Variants in CNTNAP3B observed in about 807,000 individuals in gnomAD.
CNTNAP3B encodes contactin associated protein family member 3B, also known as contactin-associated protein-like 3B.
In CNTNAP3B, 25 loss-of-function variants were observed where a neutral mutation model predicts 108.9. That is an observed-to-expected ratio of 0.23 (90% CI 0.17 to 0.32). The LOEUF is 0.32. Ranked by LOEUF, CNTNAP3B falls within the 10% of genes least tolerant of loss-of-function variation. The pLI is 1.00. For missense variants in CNTNAP3B, 252 were observed against 1,210.4 expected, an observed-to-expected ratio of 0.21 and a Z score of 11.75; for synonymous variants, 103 against 473.4, an observed-to-expected ratio of 0.22 and a Z score of 10.16.
chr9:42,034,180 A>G (rs1280319030), intron 3 of CNTNAP3B, among the ~76,000 whole-genome samples: 1 of 124,578 alleles, frequency 8.0e-6, no homozygotes, highest in Non-Finnish European at 1.7e-5. Flanking sequence ...GTATGTATGT[A>G]TATATGTATC....
chr9:42,119,160 T>C (rs1828397709), intron 1 of CNTNAP3B, among the ~76,000 whole-genome samples: 1 of 92,976 alleles, frequency 1.1e-5, no homozygotes, highest in African/African-American at 4.6e-5. Flanking sequence ...TGTGCAAAAA[T>C]CACAAGCATT....
intron 14 of CNTNAP3B, among the ~76,000 whole-genome samples, chr9:41,935,951 C>A (rs1486488044): frequency 2.0e-5 from 3 of 152,282 alleles, no homozygotes; most frequent in African/African-American, 7.2e-5. Flanking sequence ...AAACTCAGTT[C>A]ATGGGAGGGT....
In CNTNAP3B at chr9:42,129,404, G is replaced by A. The variant is rs1828643801; in HGVS notation, c.-310C>T. ...CGCGTCCCGGACACTAGGCGCGGGAGGCGGCCGGCACCAACGCGAGTCAAG... is the reference window on the plus strand; with the variant it reads ...CGCGTCCCGGACACTAGGCGCGGGAAGCGGCCGGCACCAACGCGAGTCAAG... On this transcript the variant is annotated 5_prime_UTR_variant, in exon 1 of 24. Coordinates refer to ENST00000377561, the MANE Select transcript of CNTNAP3B (RefSeq NM_001201380.3). 1.9e-5 allele frequency: 6 copies of A among 314,158 alleles called. No individual in the cohort carries two copies. The highest frequency in any genetic ancestry group is 7.9e-4 in the Middle Eastern group (1 of 1,262). The allele number at this position is 314,158 out of a possible 1,614,324, so 19.5% of individuals were successfully genotyped here. A position where few individuals can be genotyped will look rare whatever the true frequency, so the allele number is the denominator to read the frequency against.
At chr9:41,979,879 A>ACG in intron 9 of CNTNAP3B, 1 of 125,544 alleles carries the variant, frequency 8.0e-6, no homozygotes, top group African/African-American at 3.8e-5. Context: ...GTGGGCCACC[A>ACG]CCTAAGATAT....
intron 1 of CNTNAP3B, among the ~76,000 whole-genome samples, chr9:42,113,687 G>C (rs533288255): frequency 2.2e-5 from 3 of 139,366 alleles, no homozygotes; most frequent in Non-Finnish European, 4.6e-5. Context: ...ATCTTTCCAC[G>C]GGTACAAAAA....
chr9:41,941,390 AAGC>A (rs1824337976), intron 13 of CNTNAP3B, among the ~76,000 whole-genome samples: 1 of 148,348 alleles, frequency 6.7e-6, no homozygotes, highest in Admixed American at 6.7e-5. Flanking sequence ...ATTTGAAAGA[AAGC>A]AGAATGGCTA....
chr9:41,945,472 T>C lies in CNTNAP3B; in HGVS notation c.2081-7072A>G, dbSNP rs1297778109. Among the ~76,000 whole-genome samples the C allele has an allele frequency of 2.6e-5, 4 of 152,308 alleles. No homozygotes were observed. In the East Asian group the frequency reaches 5.8e-4, roughly 22 times the overall value. On this transcript the variant is annotated intron_variant, in intron 13 of 23. Coordinates refer to ENST00000377561, the MANE Select transcript of CNTNAP3B (RefSeq NM_001201380.3). The stretch of plus-strand genomic sequence containing the variant: ...TGAGTTCATGTCCTTTGTAGGGCCA[T>C]GGATGAAGCTGGAAACCATCATTCT...
In CNTNAP3B at chr9:42,076,772, T is replaced by C; in HGVS notation, c.390+97A>G. 6 of 775,020 alleles carry C rather than the reference T, an allele frequency of 7.7e-6. 1 individual carries two copies. The highest frequency in any genetic ancestry group is 9.9e-6 in the Non-Finnish European group (5 of 502,630). The allele number at this position is 775,020 out of a possible 1,614,324, so 48.0% of individuals were successfully genotyped here. ...GCTTTCAATGAAATAGGTATCTTACTTTCACTTAGAACATTTTTTTCAAAG... is the reference window on the plus strand; with the variant it reads ...GCTTTCAATGAAATAGGTATCTTACCTTCACTTAGAACATTTTTTTCAAAG... On this transcript the variant is annotated intron_variant, in intron 3 of 23. Transcript: ENST00000377561.
At position 42,051,369 on chromosome 9, in the gene CNTNAP3B, G is replaced by A. The variant is rs1441357584; in HGVS notation, c.390+25500C>T. Among the ~76,000 whole-genome samples, 4 of 81,902 alleles carry A rather than the reference G, an allele frequency of 4.9e-5. 1 individual carries two copies. Among genetic ancestry groups the A allele is most frequent in the African/African-American group, 2.0e-4 (4 of 20,040 alleles). 53.7% of individuals were successfully genotyped at this position (81,902 alleles called of 152,430 possible). A position where few individuals can be genotyped will look rare whatever the true frequency, so the allele number is the denominator to read the frequency against. ...GAACCTGAACTCAGAGGTAGCTACA[G>A]CTTACTCTGCCCAGTCACAGCACAC... On this transcript the variant is annotated intron_variant, in intron 3 of 23. Transcript: ENST00000377561.
intron 13 of CNTNAP3B, among the ~76,000 whole-genome samples, chr9:41,950,744 A>T (rs1236513335): frequency 1.6e-5 from 2 of 124,358 alleles, no homozygotes; most frequent in African/African-American, 5.9e-5. Context: ...AATAGGAGGA[A>T]TTCTTTTTTT....
intron 1 of CNTNAP3B, among the ~76,000 whole-genome samples, chr9:42,111,717 C>A (rs1421348025): frequency 7.2e-6 from 1 of 138,638 alleles, no homozygotes; most frequent in Non-Finnish European, 1.5e-5. Flanking sequence ...TGAGCCCCCA[C>A]CCTTATCTTC....
At chr9:42,121,765 A>G (rs1828468571) in intron 1 of CNTNAP3B, among the ~76,000 whole-genome samples, 1 of 140,054 alleles carries the variant, frequency 7.1e-6, no homozygotes, top group Non-Finnish European at 1.5e-5. Context: ...TTCTTATATC[A>G]TGTTATAATT....
At chr9:41,943,509 C>T (rs533609182) in intron 13 of CNTNAP3B, among the ~76,000 whole-genome samples, 670 of 151,956 alleles carry the variant, frequency 4.4e-3, no homozygotes, top group Non-Finnish European at 7.2e-3. Flanking sequence ...CCTGCCACCA[C>T]GCCCAGCTAA....
At chr9:41,915,682 C>G (rs1392341095) in intron 18 of CNTNAP3B, among the ~76,000 whole-genome samples, 1 of 144,794 alleles carries the variant, frequency 6.9e-6, no homozygotes, top group East Asian at 2.0e-4. Flanking sequence ...GTTTTTCAAT[C>G]ATGAAAGGTT....
intron 11 of CNTNAP3B, among the ~76,000 whole-genome samples, chr9:41,963,041 A>T (rs1825153744): frequency 6.6e-6 from 1 of 152,240 alleles, no homozygotes; most frequent in Non-Finnish European, 1.5e-5. Context: ...ATCATACTTC[A>T]TGCTTCAATC....
chr9:41,991,216 T>A lies in CNTNAP3B; in HGVS notation c.1333+394A>T, dbSNP rs1587181208. On this transcript the variant is annotated intron_variant, in intron 8 of 23. Coordinates refer to ENST00000377561, the MANE Select transcript of CNTNAP3B (RefSeq NM_001201380.3). ...TTGACTACTGTGTATAGAATATTTG[T>A]GCACAGACCCTGAGCGGCAGGGCGG... Among the ~76,000 whole-genome samples the A allele has an allele frequency of 2.1e-5, 2 of 93,628 alleles. 1 individual carries two copies. The highest frequency in any genetic ancestry group is 4.5e-5 in the Non-Finnish European group (2 of 44,742). The allele number at this position is 93,628 out of a possible 152,430, so 61.4% of individuals were successfully genotyped here.
At chr9:42,102,100 TACA>T (rs955401478) in intron 2 of CNTNAP3B, among the ~76,000 whole-genome samples, 1 of 40,422 alleles carries the variant, frequency 2.5e-5, no homozygotes, top group African/African-American at 1.0e-4. Flanking sequence ...TAAATAAATT[TACA>T]ACAAGTCACT....
chr9:41,970,101 TG>T lies in CNTNAP3B; in HGVS notation c.1621del (p.Gln541ArgfsTer2). ...GTCTGTGATGCCGCAGGAGTCTATC[TG>T]GAGGTCCCTGAAACTCCCCAGCGCC... Reference protein sequence around the residue: ...QGALGSFRDLQIDSCGITDRC... With the variant: ...QGALGSFRDLXIDSCGITDRC... On this transcript the variant is annotated frameshift_variant, in exon 10 of 24. Coordinates refer to ENST00000377561, the MANE Select transcript of CNTNAP3B (RefSeq NM_001201380.3). LOFTEE classifies it high-confidence loss of function. The T allele has an allele frequency of 8.3e-7, 1 of 1,208,896 alleles. No homozygotes were observed. The highest frequency in any genetic ancestry group is 3.2e-5 in the Admixed American group (1 of 31,454). The allele number at this position is 1,208,896 out of a possible 1,614,324, so 74.9% of individuals were successfully genotyped here. A position where few individuals can be genotyped will look rare whatever the true frequency, so the allele number is the denominator to read the frequency against.
chr9:41,941,251 AG>A (rs1824333638), intron 13 of CNTNAP3B, among the ~76,000 whole-genome samples: 2 of 150,342 alleles, frequency 1.3e-5, no homozygotes, highest in Non-Finnish European at 3.0e-5. Context: ...ATATAACAAA[AG>A]TTAGATGCTG....
Sources: allele counts gnomAD v4.1 joint callset (sites outside exome capture counted in the v4.1 genomes callset), GRCh38; gene constraint gnomAD v4.1.1; transcripts MANE v1.5; gene names NCBI Gene and HGNC (gene_info 2026-07-23, HGNC 2026-07-21).